Variants in GNPNAT1 observed in about 807,000 individuals in gnomAD.
GNPNAT1 encodes the protein glucosamine 6-phosphate N-acetyltransferase.
Under a neutral mutation model 19.8 loss-of-function variants are expected in GNPNAT1, and 11 were observed. That is an observed-to-expected ratio of 0.56 (90% confidence interval 0.35 to 0.92). The LOEUF is 0.92. GNPNAT1 is among the 40% of genes least tolerant of loss of function. The pLI is 0.01. For synonymous variants in GNPNAT1, 71 were observed against 72.3 expected (o/e 0.98, Z 0.09); for missense variants, 157 against 211.0 (o/e 0.74, Z 1.59).
At chr14:52,789,796 C>T (rs1371374087) in intron 1 of GNPNAT1, among the ~76,000 whole-genome samples, 1 of 152,114 alleles carries the variant, frequency 6.6e-6, no homozygotes, top group African/African-American at 2.4e-5. Context: ...TCATTAGGTT[C>T]TTTAAAGTTT....
In GNPNAT1 at chr14:52,778,458, C is replaced by T. The variant is rs778581062; in HGVS notation, c.408G>A (p.Leu136=). 5.6e-6 allele frequency: 9 copies of T among 1,601,050 alleles called. No individual in the cohort carries two copies. Among genetic ancestry groups the T allele is most frequent in the African/African-American group, 1.4e-5 (1 of 73,898 alleles). The change falls in exon 6 of 6, where the codon TTG becomes TTA. Residue 136 remains leucine (L), a splice_region_variant and synonymous_variant. Coordinates refer to ENST00000216410, the MANE Select transcript of GNPNAT1 (RefSeq NM_198066.4). ...TTAGCAAAGTAAGGGTTGATAATAA[C>T]CTGAAATTTAAAAAGGGGGTAGGGT... ...DECRGKQLGK[L]LLSTLTLLSK... is the part of the protein sequence containing the mutation.
In GNPNAT1 at chr14:52,775,271, G is replaced by A. The variant is rs1401776875; in HGVS notation, c.*3040C>T. ...GGAAGTGAGAGAATCGTGTTTAAAG[G>A]AAAGGGTAGGTCATCCACAGAACAG... On this transcript the variant is annotated 3_prime_UTR_variant, in exon 6 of 6. Transcript: ENST00000216410. 1.3e-5 allele frequency: 2 copies of A among 151,962 alleles called. No homozygotes were observed. Among genetic ancestry groups the A allele is most frequent in the African/African-American group, 4.8e-5 (2 of 41,354 alleles). 9.4% of individuals were successfully genotyped at this position (151,962 alleles called of 1,614,324 possible).
At chr14:52,786,917 A>G (rs1422076851) in intron 1 of GNPNAT1, among the ~76,000 whole-genome samples, 3 of 135,672 alleles carry the variant, frequency 2.2e-5, no homozygotes, top group Non-Finnish European at 3.0e-5. Context: ...GCATATACAT[A>G]ATGAGATATC....
chr14:52,791,160 G>T lies in GNPNAT1; in HGVS notation c.-15+268C>A, dbSNP rs1883165101. The stretch of plus-strand genomic sequence containing the variant: ...CGACCCCAGTCCCAGTTCCAGCCCT[G>T]CCAGGCCAAGACCAGCGTATGGCCG... On this transcript the variant is annotated intron_variant, in intron 1 of 5. Coordinates refer to ENST00000216410, the MANE Select transcript of GNPNAT1 (RefSeq NM_198066.4). This position sits in a 1 kb window ranked among gnomAD's most constrained non-coding sequence, Gnocchi z 4.1. 6.6e-6 allele frequency among the ~76,000 whole-genome samples: 1 copy of T among 152,202 alleles called. No homozygotes were observed. The highest frequency in any genetic ancestry group is 2.1e-4 in the South Asian group (1 of 4,834).
chr14:52,790,498 T>A (rs1883145402), intron 1 of GNPNAT1, among the ~76,000 whole-genome samples: 1 of 152,196 alleles, frequency 6.6e-6, no homozygotes, highest in Admixed American at 6.5e-5. Context: ...TTTCTGATAG[T>A]TTGACCTTTA....
At chr14:52,784,249 T>A (rs1448672597) in intron 2 of GNPNAT1, among the ~76,000 whole-genome samples, 1 of 152,232 alleles carries the variant, frequency 6.6e-6, no homozygotes, top group African/African-American at 2.4e-5. Flanking sequence ...TTTTTGTTTA[T>A]GAGAAATCTT....
chr14:52,781,946 G>C, intron 3 of GNPNAT1, 35 bp from the exon 4 acceptor site: 1 of 1,543,188 alleles, frequency 6.5e-7, no homozygotes. Flanking sequence ...TTACATAGTA[G>C]ACATTCAATT....
intron 1 of GNPNAT1, among the ~76,000 whole-genome samples, chr14:52,785,591 C>T (rs1311886468): frequency 2.7e-5 from 4 of 149,646 alleles, no homozygotes; most frequent in African/African-American, 7.3e-5. Flanking sequence ...GGCGTGGTGG[C>T]GCATGCCTGT....
At chr14:52,789,604 G>A (rs547734693) in intron 1 of GNPNAT1, among the ~76,000 whole-genome samples, 12 of 152,264 alleles carry the variant, frequency 7.9e-5, no homozygotes, top group African/African-American at 2.6e-4. Context: ...GCCCAACTAA[G>A]GTACTGGGCA....
intron 1 of GNPNAT1, among the ~76,000 whole-genome samples, chr14:52,787,107 T>C (rs1273288060): frequency 6.6e-6 from 1 of 151,978 alleles, no homozygotes; most frequent in Non-Finnish European, 1.5e-5. Flanking sequence ...GTTTCAAATT[T>C]TGGAGTGTTT....
At chr14:52,789,890 A>T (rs1883117536) in intron 1 of GNPNAT1, among the ~76,000 whole-genome samples, 1 of 151,556 alleles carries the variant, frequency 6.6e-6, no homozygotes, top group African/African-American at 2.4e-5. Flanking sequence ...GGCGTTTAGA[A>T]GACCCGTTTA....
intron 5 of GNPNAT1, 79 bp downstream of exon 5, chr14:52,780,600 G>A: frequency 2.4e-6 from 2 of 838,926 alleles, no homozygotes; most frequent in Non-Finnish European, 2.0e-6. Flanking sequence ...AAGCCAAAAA[G>A]AACTTCAAAC....
Position 52,777,469 on chromosome 14 carries a change from T to G in GNPNAT1, c.*842A>C, listed in dbSNP as rs1882764086. The G allele has an allele frequency of 6.6e-6, 1 of 152,194 alleles. No individual in the cohort carries two copies. The highest frequency in any genetic ancestry group is 2.4e-5 in the African/African-American group (1 of 41,454). The allele number at this position is 152,194 out of a possible 1,614,324, so 9.4% of individuals were successfully genotyped here. A position where few individuals can be genotyped will look rare whatever the true frequency, so the allele number is the denominator to read the frequency against. On this transcript the variant is annotated 3_prime_UTR_variant, in exon 6 of 6. Coordinates refer to ENST00000216410, the MANE Select transcript of GNPNAT1 (RefSeq NM_198066.4). Reference sequence around the variant, plus strand: ...TTAAGTATTGTGTTTCACTCAATTTTGTGATACTCCATTTTTGAAAAAACT... The same window carrying G: ...TTAAGTATTGTGTTTCACTCAATTTGGTGATACTCCATTTTTGAAAAAACT...
rs576294288 is a variant in GNPNAT1 at position 52,782,007 on chromosome 14, T to C, written c.218-96A>G. 4.7e-6 allele frequency: 5 copies of C among 1,073,368 alleles called. No homozygotes were observed. In the African/African-American group the frequency reaches 8.2e-5, roughly 18 times the overall value. The allele number at this position is 1,073,368 out of a possible 1,614,324, so 66.5% of individuals were successfully genotyped here. On this transcript the variant is annotated intron_variant, in intron 3 of 5. Coordinates refer to ENST00000216410, the MANE Select transcript of GNPNAT1 (RefSeq NM_198066.4). ...GATTAGCTGACTTAATTACTAAATG[T>C]TTAAAGCTGTTTTACCATAGTAATT...
chr14:52,780,206 A>G (rs1400283861), intron 5 of GNPNAT1, among the ~76,000 whole-genome samples: 1 of 152,180 alleles, frequency 6.6e-6, no homozygotes, highest in Non-Finnish European at 1.5e-5. Flanking sequence ...TAAGAACTAC[A>G]AGTTCTTATA....
intron 2 of GNPNAT1, among the ~76,000 whole-genome samples, chr14:52,783,998 TC>T (rs1882953594): frequency 6.6e-6 from 1 of 152,160 alleles, no homozygotes; most frequent in Non-Finnish European, 1.5e-5. Flanking sequence ...TTTCCTACAC[TC>T]AATAATTAGG....
chr14:52,782,021 A>AC, intron 3 of GNPNAT1, 110 bp from the exon 4 acceptor site: 1 of 941,612 alleles, frequency 1.1e-6, no homozygotes, highest in Non-Finnish European at 1.5e-6. Context: ...AAGCTGTTTT[A>AC]CCATAGTAAT....
chr14:52,780,396 G>A (rs997751559), intron 5 of GNPNAT1, among the ~76,000 whole-genome samples: 3 of 152,028 alleles, frequency 2.0e-5, no homozygotes, highest in Non-Finnish European at 2.9e-5. Flanking sequence ...AGGCAAATCC[G>A]ATTAGCCCAA....
intron 1 of GNPNAT1, among the ~76,000 whole-genome samples, chr14:52,790,096 T>G (rs140406195): frequency 6.6e-6 from 1 of 152,136 alleles, no homozygotes; most frequent in Admixed American, 6.5e-5. Context: ...TTTCACTCAA[T>G]TGAATATTTT....
Sources: gnomAD v4.1 joint callset for allele counts (sites outside exome capture counted in the v4.1 genomes callset) on GRCh38, gnomAD v4.1.1 for gene constraint, Gnocchi (gnomAD v3.1) non-coding constraint, MANE v1.5 for transcripts, NCBI Gene and HGNC (gene_info 2026-07-23, HGNC 2026-07-21) for gene names.